The following RAB2A variants were observed in gnomAD, a reference collection of about 807,000 sequenced individuals.
RAB2A encodes RAB2A, member RAS oncogene family.
A neutral mutation model predicts 32.5 loss-of-function variants in RAB2A; 7 were observed. The ratio of observed to expected loss-of-function variants is 0.22; its 90% CI spans 0.12 to 0.40. RAB2A has a LOEUF of 0.40. RAB2A is among the 10% of genes least tolerant of loss of function. The pLI is 1.00. For missense variants in RAB2A, 108 were observed against 260.7 expected (o/e 0.41, Z 4.03); for synonymous variants, 79 against 85.2 (o/e 0.93, Z 0.40).
intron 6 of RAB2A, among the ~76,000 whole-genome samples, chr8:60,613,375 C>T (rs1354894777): frequency 6.6e-6 from 1 of 152,166 alleles, no homozygotes; most frequent in Non-Finnish European, 1.5e-5. Context: ...CAGTGCTTTA[C>T]ATTAACCTTC....
At chr8:60,609,309 G>A (rs974328124) in intron 6 of RAB2A, among the ~76,000 whole-genome samples, 5 of 152,146 alleles carry the variant, frequency 3.3e-5, no homozygotes, top group African/African-American at 9.7e-5. Flanking sequence ...CATGACACCA[G>A]CATGTCTTCC....
chr8:60,570,428 A>C (rs937941037), intron 2 of RAB2A, among the ~76,000 whole-genome samples: 1 of 152,126 alleles, frequency 6.6e-6, no homozygotes, highest in Non-Finnish European at 1.5e-5. Context: ...ATTTCAAAGA[A>C]CATCTGTATC....
intron 2 of RAB2A, among the ~76,000 whole-genome samples, chr8:60,566,770 CTT>C (rs1277210034): frequency 6.6e-6 from 1 of 152,176 alleles, no homozygotes; most frequent in Non-Finnish European, 1.5e-5. Flanking sequence ...CCAAACTCCA[CTT>C]TTTTGGAGTT....
At chr8:60,520,755 A>T (rs1262710796) in intron 1 of RAB2A, among the ~76,000 whole-genome samples, 1 of 151,784 alleles carries the variant, frequency 6.6e-6, no homozygotes, top group Non-Finnish European at 1.5e-5. Flanking sequence ...CTTACATTTT[A>T]TTTTTTATTT....
At chr8:60,572,773 A>AC (rs1808215539) in intron 3 of RAB2A, among the ~76,000 whole-genome samples, 1 of 152,124 alleles carries the variant, frequency 6.6e-6, no homozygotes, top group Non-Finnish European at 1.5e-5. Flanking sequence ...ATTAATGAAG[A>AC]CCCCCAAAGA....
chr8:60,578,640 A>C (rs1424298907), intron 3 of RAB2A, among the ~76,000 whole-genome samples: 1 of 152,244 alleles, frequency 6.6e-6, no homozygotes, highest in African/African-American at 2.4e-5. Context: ...ACTTTAATTC[A>C]GGATATTTAG....
intron 6 of RAB2A, among the ~76,000 whole-genome samples, chr8:60,600,481 C>T (rs1804114471): frequency 6.6e-6 from 1 of 152,220 alleles, no homozygotes; most frequent in African/African-American, 2.4e-5. Context: ...AACACAGCCA[C>T]TCTGGAAAAA....
chr8:60,534,370 G>C (rs948392795), intron 1 of RAB2A, among the ~76,000 whole-genome samples: 3 of 152,088 alleles, frequency 2.0e-5, no homozygotes, highest in Admixed American at 6.6e-5. Context: ...GAGGTAGGAG[G>C]ATTGCTTGAG....
At chr8:60,528,984 T>C (rs1485622388) in intron 1 of RAB2A, among the ~76,000 whole-genome samples, 2 of 152,204 alleles carry the variant, frequency 1.3e-5, no homozygotes, top group Non-Finnish European at 2.9e-5. Context: ...AAAGAGGGCT[T>C]ATAGTAATCC....
chr8:60,577,487 T>TG (rs1268063600), intron 3 of RAB2A, among the ~76,000 whole-genome samples: 2 of 152,232 alleles, frequency 1.3e-5, no homozygotes, highest in Non-Finnish European at 2.9e-5. Context: ...TCACCACCCT[T>TG]GCTGTGTACA....
chr8:60,607,428 CAAAA>C lies in RAB2A; in HGVS notation c.475-11134_475-11131del, dbSNP rs773988383. Among the ~76,000 whole-genome samples, 244 of 57,474 alleles carry C rather than the reference CAAAA, an allele frequency of 4.2e-3. 2 individuals carry two copies. Among genetic ancestry groups the C allele is most frequent in the Middle Eastern group, 0.042 (5 of 118 alleles). The allele number at this position is 57,474 out of a possible 152,430, so 37.7% of individuals were successfully genotyped here. ...TGGGCGACAGAGCGAGACTCCATCT[CAAAA>C]AAAAAAAAAAAAAAAAAGGTTTTTG... is the stretch of plus-strand genomic sequence containing the variant. On this transcript the variant is annotated intron_variant, in intron 6 of 7. Transcript: ENST00000262646.
At chr8:60,612,511 A>G (rs1489446356) in intron 6 of RAB2A, among the ~76,000 whole-genome samples, 3 of 152,236 alleles carry the variant, frequency 2.0e-5, no homozygotes, top group Non-Finnish European at 2.9e-5. Context: ...TGTAGGAAGT[A>G]TATGCTTTTT....
intron 1 of RAB2A, among the ~76,000 whole-genome samples, chr8:60,542,722 G>T (rs1022309669): frequency 6.6e-6 from 1 of 152,144 alleles, no homozygotes; most frequent in Non-Finnish European, 1.5e-5. Context: ...ATTGCATCAA[G>T]GGAAAGAGGG....
At chr8:60,586,141 A>G (rs1803842626) in intron 5 of RAB2A, among the ~76,000 whole-genome samples, 1 of 152,074 alleles carries the variant, frequency 6.6e-6, no homozygotes, top group Non-Finnish European at 1.5e-5. Flanking sequence ...CTCTACAACA[A>G]ATTTTAAAAT....
intron 1 of RAB2A, 71 bp downstream of exon 1, chr8:60,517,324 T>C: frequency 2.2e-6 from 3 of 1,334,728 alleles, no homozygotes; most frequent in East Asian, 6.3e-5. Flanking sequence ...AAACGGCGTC[T>C]GGCGGTGGCG....
At chr8:60,551,902 C>T (rs1221043452) in intron 1 of RAB2A, 1 of 133,498 alleles carries the variant, frequency 7.5e-6, no homozygotes, top group East Asian at 2.2e-4. Flanking sequence ...CTTGCTGTGT[C>T]GCCCAGACTG....
intron 6 of RAB2A, among the ~76,000 whole-genome samples, chr8:60,604,203 T>C (rs1452111151): frequency 6.6e-6 from 1 of 152,218 alleles, no homozygotes; most frequent in East Asian, 1.9e-4. Context: ...CCTTGTGCCA[T>C]GATTGTAAGT....
chr8:60,541,759 G>C (rs1807649417), intron 1 of RAB2A, among the ~76,000 whole-genome samples: 1 of 152,194 alleles, frequency 6.6e-6, no homozygotes, highest in African/African-American at 2.4e-5. Context: ...TTCTTCATAA[G>C]TCTATTTTTA....
At chr8:60,552,007 T>TTTTTTTG (rs1352512689) in intron 1 of RAB2A, 3 of 143,902 alleles carry the variant, frequency 2.1e-5, no homozygotes, top group African/African-American at 8.1e-5. Context: ...GGGAGTTTTT[T>TTTTTTTG]TTTTTTTTTT....
Sources: gnomAD v4.1 joint callset for allele counts (sites outside exome capture counted in the v4.1 genomes callset) on GRCh38, gnomAD v4.1.1 for gene constraint, MANE v1.5 for transcripts, NCBI Gene and HGNC (gene_info 2026-07-23, HGNC 2026-07-21) for gene names.